Variants in ABHD5 observed in about 807,000 individuals in gnomAD.
ABHD5 encodes abhydrolase domain containing 5, lysophosphatidic acid acyltransferase.
Under a neutral mutation model 44.9 loss-of-function variants are expected in ABHD5, and 30 were observed. The observed-to-expected ratio is 0.67, with a 90% CI of 0.50 to 0.91. The LOEUF is 0.91. Ranked by LOEUF, ABHD5 falls within the 40% of genes least tolerant of loss-of-function variation. The pLI is 0.00. For missense variants in ABHD5, 399 were observed against 423.4 expected (o/e 0.94, Z 0.50); for synonymous variants, 167 against 147.0 (o/e 1.14, Z -0.99).
At position 43,717,657 on chromosome 3, in the gene ABHD5, C is replaced by G. The variant is rs748919068; in HGVS notation, c.774-14C>G. 6.2e-7 allele frequency: 1 copy of G among 1,614,020 alleles called. No individual in the cohort carries two copies. Among genetic ancestry groups the G allele is most frequent in the Non-Finnish European group, 8.5e-7 (1 of 1,179,898 alleles). ...CAAAAATCATACATCGTGATTTTCT[C>G]CTTGCCGTTAAAGTGGTGAGACAGC... On this transcript the variant is annotated splice_polypyrimidine_tract_variant and intron_variant, in intron 5 of 6. Transcript: ENST00000644371.
At chr3:43,706,863 A>C (rs1409887340) in intron 3 of ABHD5, among the ~76,000 whole-genome samples, 3 of 152,212 alleles carry the variant, frequency 2.0e-5, no homozygotes, top group Non-Finnish European at 4.4e-5. Flanking sequence ...GGGAAAAAAC[A>C]CAAAAACAAC....
chr3:43,693,248 A>G (rs2084424187), intron 1 of ABHD5, among the ~76,000 whole-genome samples: 2 of 152,216 alleles, frequency 1.3e-5, no homozygotes, highest in African/African-American at 4.8e-5. Context: ...AGCCATTGCT[A>G]AATTTTCAGG....
intron 1 of ABHD5, 32 bp downstream of exon 1, chr3:43,691,071 C>T: frequency 6.6e-7 from 1 of 1,522,696 alleles, no homozygotes. Context: ...CTTCGTGTGT[C>T]TCCGGCGCGC....
downstream of ABHD5, among the ~76,000 whole-genome samples, chr3:43,725,784 G>A (rs2084873309): frequency 6.6e-6 from 1 of 151,956 alleles, no homozygotes; most frequent in Middle Eastern, 3.5e-3. Context: ...AGAAATATTA[G>A]TCACAATGAC....
At chr3:43,714,829 T>C (rs2084739933) in intron 4 of ABHD5, 118 bp from the exon 5 acceptor site, 2 of 670,266 alleles carry the variant, frequency 3.0e-6, no homozygotes, top group South Asian at 1.5e-5. Flanking sequence ...TGAATACATA[T>C]ATATATGTGT....
At chr3:43,696,063 T>C (rs2084470890) in intron 1 of ABHD5, among the ~76,000 whole-genome samples, 1 of 152,250 alleles carries the variant, frequency 6.6e-6, no homozygotes. Flanking sequence ...AGTGCCCAAC[T>C]GATGGGGCTG....
intron 6 of ABHD5, 54 bp from the exon 7 acceptor site, chr3:43,718,389 T>G (rs1575607643): frequency 7.0e-7 from 1 of 1,422,368 alleles, no homozygotes; most frequent in Non-Finnish European, 9.9e-7. Context: ...TATATCATTC[T>G]GTTTTATTAA....
In ABHD5 at chr3:43,711,982, C is replaced by T. The variant is rs1367366684; in HGVS notation, c.661+119C>T. The stretch of plus-strand genomic sequence containing the variant: ...AAAACCCTGAACCCTTACTTTTTCT[C>T]CTCTTCCTCTAATAAGTACCATGTC... On this transcript the variant is annotated intron_variant, in intron 4 of 6. Coordinates refer to ENST00000644371, the MANE Select transcript of ABHD5 (RefSeq NM_016006.6). 8 of 1,309,290 alleles carry T rather than the reference C, an allele frequency of 6.1e-6. No homozygotes were observed. In the Admixed American group the frequency reaches 7.0e-5, roughly 11 times the overall value. 81.1% of individuals were successfully genotyped at this position (1,309,290 alleles called of 1,614,324 possible).
intron 7 of ABHD5, among the ~76,000 whole-genome samples, chr3:43,733,053 C>G (rs1697265148): frequency 6.6e-6 from 1 of 152,202 alleles, no homozygotes; most frequent in Non-Finnish European, 1.5e-5. Context: ...GAGAGTCTAA[C>G]AAGACAGCAG....
chr3:43,711,071 C>T (rs1212478845), intron 3 of ABHD5, among the ~76,000 whole-genome samples: 1 of 152,106 alleles, frequency 6.6e-6, no homozygotes, highest in Non-Finnish European at 1.5e-5. Flanking sequence ...GTCAGTATAG[C>T]GTGATATCAT....
At chr3:43,714,690 T>C (rs958611690) in intron 4 of ABHD5, among the ~76,000 whole-genome samples, 4 of 152,186 alleles carry the variant, frequency 2.6e-5, no homozygotes, top group Non-Finnish European at 5.9e-5. Flanking sequence ...CTTACATGTT[T>C]TTGAGGCCCT....
chr3:43,717,936 C>T lies in ABHD5; in HGVS notation c.960+79C>T, dbSNP rs368918357. The T allele has an allele frequency of 3.7e-4, 579 of 1,575,872 alleles. 2 individuals are homozygous for T. The highest frequency in any genetic ancestry group is 2.7e-3 in the South Asian group (239 of 89,696). On this transcript the variant is annotated intron_variant, in intron 6 of 6. Coordinates refer to ENST00000644371, the MANE Select transcript of ABHD5 (RefSeq NM_016006.6). ...ATCTCCCTTAAAAGAGGTTTTAGGTCATCCTCGTGTTGCAGGTCATCTGAG... is the reference window on the plus strand; with the variant it reads ...ATCTCCCTTAAAAGAGGTTTTAGGTTATCCTCGTGTTGCAGGTCATCTGAG...
chr3:43,718,029 A>G (rs540360385), intron 6 of ABHD5, among the ~76,000 whole-genome samples, 172 bp downstream of exon 6: 31 of 152,270 alleles, frequency 2.0e-4, no homozygotes, highest in Non-Finnish European at 2.9e-4. Context: ...GCCTGCACAC[A>G]TCTTCATGTC....
chr3:43,701,940 G>A, intron 2 of ABHD5: 1 of 349,580 alleles, frequency 2.9e-6, no homozygotes, highest in Non-Finnish European at 5.2e-6. Flanking sequence ...TGACAGATGT[G>A]GAAAGAAGTT....
chr3:43,703,656 G>T (rs940283897), intron 3 of ABHD5, among the ~76,000 whole-genome samples: 2 of 152,112 alleles, frequency 1.3e-5, no homozygotes, highest in Non-Finnish European at 2.9e-5. Flanking sequence ...TTTTCCATTG[G>T]ACTGATTTTT....
At position 43,711,875 on chromosome 3, in the gene ABHD5, T is replaced by G; in HGVS notation, c.661+12T>G. ...TGCAGGACCCTTTGGTGAGTGCTTA[T>G]GTTCTAGGAAAGCAAAATGTTTGTA... is the stretch of plus-strand genomic sequence containing the variant. On this transcript the variant is annotated intron_variant, in intron 4 of 6. Transcript: ENST00000644371. 1 of 1,614,154 alleles carries G rather than the reference T, an allele frequency of 6.2e-7. No individual in the cohort carries two copies. The highest frequency in any genetic ancestry group is 1.6e-4 in the Middle Eastern group (1 of 6,062).
At chr3:43,701,532 G>A (rs772980356) in intron 2 of ABHD5, among the ~76,000 whole-genome samples, 17 of 152,068 alleles carry the variant, frequency 1.1e-4, no homozygotes, top group Non-Finnish European at 2.2e-4. Flanking sequence ...AAAGTATTTA[G>A]TTCCACAACA....
intron 1 of ABHD5, among the ~76,000 whole-genome samples, chr3:43,693,453 G>A (rs142460736): frequency 1.3e-5 from 2 of 152,254 alleles, no homozygotes; most frequent in Non-Finnish European, 2.9e-5. Context: ...TAGGAGAGTG[G>A]ATTTCTCTAT....
intron 3 of ABHD5, among the ~76,000 whole-genome samples, chr3:43,703,857 A>G (rs1234505401): frequency 1.3e-5 from 2 of 152,030 alleles, no homozygotes; most frequent in African/African-American, 4.8e-5. Flanking sequence ...TGGAACAGCC[A>G]CTTTTTCTCT....
Sources: gnomAD v4.1 joint callset for allele counts (sites outside exome capture counted in the v4.1 genomes callset) on GRCh38, gnomAD v4.1.1 for gene constraint, MANE v1.5 for transcripts, NCBI Gene and HGNC (gene_info 2026-07-23, HGNC 2026-07-21) for gene names.